Variants in USP34 observed in about 807,000 individuals in gnomAD.
The protein encoded by USP34 is ubiquitin specific peptidase 34, also known as ubiquitin carboxyl-terminal hydrolase 34.
USP34 carries 70 observed loss-of-function variants against 460.3 expected under a neutral mutation model. The observed-to-expected ratio is 0.15, with a 90% CI of 0.13 to 0.19. USP34 has a LOEUF of 0.19. USP34 is among the 10% of genes least tolerant of loss of function. The pLI, the probability that USP34 is intolerant of heterozygous loss-of-function variation, is 1.00. For missense variants in USP34, 3,985 were observed against 4,236.2 expected, an observed-to-expected ratio of 0.94 and a Z score of 1.65; for synonymous variants, 1,647 against 1,405.3, an observed-to-expected ratio of 1.17 and a Z score of -3.85.
At chr2:61,458,488 G>C (rs1317628200) in intron 1 of USP34, among the ~76,000 whole-genome samples, 1 of 148,786 alleles carries the variant, frequency 6.7e-6, no homozygotes. Context: ...TTGAACCCAG[G>C]AAGCAGAGGT....
At chr2:61,204,850 A>G (rs141945045) in intron 72 of USP34, among the ~76,000 whole-genome samples, 53 of 152,278 alleles carry the variant, frequency 3.5e-4, no homozygotes, top group African/African-American at 1.3e-3. Context: ...TGTTTTAAGT[A>G]TGAGATATTT....
In USP34 at chr2:61,470,701, C is replaced by A; in HGVS notation, c.-9G>T. 6.3e-7 allele frequency: 1 copy of A among 1,590,336 alleles called. No individual in the cohort carries two copies. The highest frequency in any genetic ancestry group is 2.4e-5 in the East Asian group (1 of 42,080). The stretch of plus-strand genomic sequence containing the variant: ...GCGCAGTTCTCGCACATCGTTCGGC[C>A]GCCGCCCCCCCCCTCCCCCGCTTCG... On this transcript the variant is annotated 5_prime_UTR_variant, in exon 1 of 80. Transcript: ENST00000398571.
chr2:61,393,759 T>C (rs1312135907), intron 5 of USP34, among the ~76,000 whole-genome samples: 2 of 152,250 alleles, frequency 1.3e-5, no homozygotes, highest in Non-Finnish European at 2.9e-5. Flanking sequence ...AAAGGTACAC[T>C]GAACTTTTGC....
intron 5 of USP34, 82 bp from the exon 6 acceptor site, chr2:61,383,418 G>GC (rs1446024859): frequency 1.8e-6 from 2 of 1,118,202 alleles, no homozygotes; most frequent in Non-Finnish European, 2.6e-6. Context: ...AAAAACAAGA[G>GC]CATTGGCCAG....
intron 27 of USP34, among the ~76,000 whole-genome samples, chr2:61,310,315 A>G (rs1322272803): frequency 6.6e-6 from 1 of 152,190 alleles, no homozygotes; most frequent in Non-Finnish European, 1.5e-5. Flanking sequence ...ATTGTTTGTA[A>G]TAGCAAAATA....
At chr2:61,326,470 T>C (rs997384912) in intron 20 of USP34, among the ~76,000 whole-genome samples, 7 of 152,148 alleles carry the variant, frequency 4.6e-5, no homozygotes, top group African/African-American at 1.7e-4. Flanking sequence ...TCAAGTGATC[T>C]GCCTGCCTTG....
chr2:61,227,156 G>A lies in USP34; in HGVS notation c.7506C>T (p.Leu2502=), dbSNP rs1365543444. Residue 2502 remains leucine (L), a synonymous_variant, in exon 62 of 80, where the codon CTC becomes CTT. Transcript: ENST00000398571. ...GCCTGTATTTTTCTTCTGCCAGAGA[G>A]AGGATATCTTCTTCCTCCTCTTCTT... ...GEEEEEEEDI[L]SLAEEKYRPA... 1 of 1,613,872 alleles carries A rather than the reference G, an allele frequency of 6.2e-7. No homozygotes were observed. The highest frequency in any genetic ancestry group is 2.2e-5 in the East Asian group (1 of 44,864).
At chr2:61,340,261 TAA>T (rs1440835474) in intron 16 of USP34, among the ~76,000 whole-genome samples, 1 of 152,216 alleles carries the variant, frequency 6.6e-6, no homozygotes, top group Non-Finnish European at 1.5e-5. Flanking sequence ...ACATTCAAAT[TAA>T]AAGACTCTTT....
chr2:61,288,642 G>A lies in USP34; in HGVS notation c.4749+35C>T, dbSNP rs755452722. 3.1e-6 allele frequency: 5 copies of A among 1,589,044 alleles called. No individual in the cohort carries two copies. In the Admixed American group the frequency reaches 8.3e-5, roughly 27 times the overall value. The stretch of plus-strand genomic sequence containing the variant: ...TTTCTTCAGTTTATAAAAATAAATG[G>A]AATTCATCATTAAACATTAATTTCT... On this transcript the variant is annotated intron_variant, in intron 34 of 79. Transcript: ENST00000398571.
chr2:61,330,630 C>T (rs1297523119), intron 20 of USP34, among the ~76,000 whole-genome samples: 1 of 152,084 alleles, frequency 6.6e-6, no homozygotes, highest in Non-Finnish European at 1.5e-5. Flanking sequence ...GAACTGGTTT[C>T]CTCAACATGG....
At chr2:61,394,702 C>T (rs985645815) in intron 5 of USP34, 151 bp downstream of exon 5, 2 of 504,306 alleles carry the variant, frequency 4.0e-6, no homozygotes, top group African/African-American at 2.0e-5. Flanking sequence ...TAATAAAGAT[C>T]GTTAAAACGT....
At position 61,395,251 on chromosome 2, in the gene USP34, A is replaced by G. The variant is rs79301612; in HGVS notation, c.553-18T>C. 1.5e-6 allele frequency: 2 copies of G among 1,360,920 alleles called. No individual in the cohort carries two copies. Among genetic ancestry groups the G allele is most frequent in the Non-Finnish European group, 2.0e-6 (2 of 977,316 alleles). 84.3% of individuals were successfully genotyped at this position (1,360,920 alleles called of 1,614,324 possible). On this transcript the variant is annotated intron_variant, in intron 3 of 79. Coordinates refer to ENST00000398571, the MANE Select transcript of USP34 (RefSeq NM_014709.4). The stretch of plus-strand genomic sequence containing the variant: ...GATATATCCTAATTAAAAAAAAAAA[A>G]GCAAGTAAAATTAGGTTACAACTAC...
chr2:61,337,381 C>A (rs1481462570), intron 18 of USP34, among the ~76,000 whole-genome samples: 1 of 144,974 alleles, frequency 6.9e-6, no homozygotes, highest in Non-Finnish European at 1.5e-5. Context: ...AATGAATAGT[C>A]CACAATTATC....
chr2:61,204,206 A>C (rs747369712), intron 74 of USP34, 50 bp downstream of exon 74: 2 of 1,605,928 alleles, frequency 1.2e-6, no homozygotes, highest in African/African-American at 2.7e-5. Flanking sequence ...GAAAAATTTC[A>C]AATTACTTTG....
At chr2:61,462,467 T>C (rs1695630761) in intron 1 of USP34, among the ~76,000 whole-genome samples, 1 of 149,622 alleles carries the variant, frequency 6.7e-6, no homozygotes, top group South Asian at 2.1e-4. Context: ...GAGAATTGCT[T>C]GAACCCAGGA....
intron 23 of USP34, 88 bp downstream of exon 23, chr2:61,317,566 T>C (rs948443857): frequency 1.6e-5 from 19 of 1,188,492 alleles, no homozygotes; most frequent in Admixed American, 8.1e-5. Flanking sequence ...GTAAATTCTA[T>C]ACTTTGTAGA....
chr2:61,317,532 A>T (rs1690788830), intron 23 of USP34, 122 bp downstream of exon 23: 10 of 804,922 alleles, frequency 1.2e-5, no homozygotes, highest in Non-Finnish European at 1.9e-5. Context: ...ATCTCAAAAC[A>T]AACCCAACTG....
intron 48 of USP34, among the ~76,000 whole-genome samples, chr2:61,256,038 G>C (rs1490683569): frequency 6.6e-6 from 1 of 152,126 alleles, no homozygotes; most frequent in Admixed American, 6.5e-5. Context: ...CGAGGATAAG[G>C]GGTTCCACTG....
intron 1 of USP34, among the ~76,000 whole-genome samples, chr2:61,431,899 T>C (rs1043666622): frequency 6.6e-6 from 1 of 151,862 alleles, no homozygotes; most frequent in Non-Finnish European, 1.5e-5. Flanking sequence ...AGAGAGGATT[T>C]TGAATGTTCC....
Sources: gnomAD v4.1 joint callset for allele counts (sites outside exome capture counted in the v4.1 genomes callset) on GRCh38, gnomAD v4.1.1 for gene constraint, MANE v1.5 for transcripts, NCBI Gene and HGNC (gene_info 2026-07-23, HGNC 2026-07-21) for gene names.